ZNF568: variants seen among roughly 807,000 people sequenced by gnomAD.
ZNF568 encodes zinc finger protein 568.
ZNF568 carries 11 observed loss-of-function variants against 18.1 expected under a neutral mutation model. The observed-to-expected ratio is 0.61, with a 90% CI of 0.38 to 1.00. The LOEUF is 1.00. ZNF568 is among the 50% of genes least tolerant of loss of function. The pLI is 0.01. For synonymous variants in ZNF568, 213 were observed against 246.6 expected (o/e 0.86, Z 1.28); for missense variants, 639 against 768.2 (o/e 0.83, Z 1.99).
At position 36,927,899 on chromosome 19, in the gene ZNF568, ATATATTTTTTTTTTTT is replaced by A. The variant is rs1568381592; in HGVS notation, c.135+2643_135+2658del. Among the ~76,000 whole-genome samples, 63 of 24,066 alleles carry A rather than the reference ATATATTTTTTTTTTTT, an allele frequency of 2.6e-3. 2 individuals are homozygous for A. The highest frequency in any genetic ancestry group is 0.016 in the African/African-American group (61 of 3,760). 15.8% of individuals were successfully genotyped at this position (24,066 alleles called of 152,430 possible). On this transcript the variant is annotated intron_variant, in intron 4 of 6. Coordinates refer to ENST00000333987, the MANE Select transcript of ZNF568 (RefSeq NM_198539.4). ...ATATATATATATATTATATATATAT[ATATATTTTTTTTTTTT>A]TTTTTTTTTTTTTTTTGGTGATGAA...
chr19:36,955,075 C>T (rs2074097467), downstream of ZNF568, among the ~76,000 whole-genome samples: 1 of 152,072 alleles, frequency 6.6e-6, no homozygotes, highest in Admixed American at 6.6e-5. Flanking sequence ...GACAGGGTTT[C>T]ACTACGTAGG....
chr19:36,965,513 C>T (rs747152829), intron 6 of ZNF568, among the ~76,000 whole-genome samples: 6 of 151,998 alleles, frequency 3.9e-5, no homozygotes, highest in Non-Finnish European at 5.9e-5. Flanking sequence ...TATAGAAGGC[C>T]GAATACACTG....
At chr19:36,936,644 C>A in intron 4 of ZNF568, 102 bp from the exon 5 acceptor site, 2 of 1,128,278 alleles carry the variant, frequency 1.8e-6, no homozygotes, top group Non-Finnish European at 2.5e-6. Context: ...TCTAGTACTC[C>A]TACCTCTGAC....
At chr19:36,948,658 ATTTTTTTTTTT>A (rs4069585) in intron 6 of ZNF568, among the ~76,000 whole-genome samples, 4 of 83,566 alleles carry the variant, frequency 4.8e-5, no homozygotes, top group African/African-American at 1.9e-4. Flanking sequence ...TTTGTTGTTG[ATTTTTTTTTTT>A]TTTTTTTTTT....
At chr19:36,938,769 TC>T (rs1014708731) in intron 6 of ZNF568, among the ~76,000 whole-genome samples, 7 of 152,184 alleles carry the variant, frequency 4.6e-5, no homozygotes, top group African/African-American at 1.7e-4. Context: ...CCTGATTATT[TC>T]CCCTCATAGG....
intron 6 of ZNF568, among the ~76,000 whole-genome samples, chr19:36,939,864 T>C (rs1568387436): frequency 6.6e-6 from 1 of 152,190 alleles, no homozygotes; most frequent in Non-Finnish European, 1.5e-5. Flanking sequence ...TTTTTCTGTT[T>C]CTTCTTCATG....
chr19:36,922,882 GAA>G, intron 3 of ZNF568, 36 bp downstream of exon 3: 1 of 1,591,712 alleles, frequency 6.3e-7, no homozygotes, highest in Non-Finnish European at 8.6e-7. Context: ...GCTTAGGAGA[GAA>G]AGGCTCTACA....
rs1362484234 is a variant in ZNF568 at position 36,992,451 on chromosome 19, A to G, written c.229+605A>G. The stretch of plus-strand genomic sequence containing the variant: ...CAGGAGGCAGAGGTTGCAGTGAGCC[A>G]AGATCGCGCCACTGCACTTCAGCCT... On this transcript the variant is annotated intron_variant, in intron 4 of 4. Coordinates refer to the ZNF568 transcript ENST00000433993. Among the ~76,000 whole-genome samples, 15 of 152,154 alleles carry G rather than the reference A, an allele frequency of 9.9e-5. No homozygotes were observed. The East Asian group carries it at 2.7e-3, about 28-fold the overall frequency.
chr19:36,936,711 A>G (rs2073795861), intron 4 of ZNF568, 35 bp from the exon 5 acceptor site: 1 of 1,592,464 alleles, frequency 6.3e-7, no homozygotes, highest in African/African-American at 1.3e-5. Flanking sequence ...CCTAATTTTG[A>G]TGACTTCAAA....
chr19:36,922,960 G>T (rs1459574729), intron 3 of ZNF568, 114 bp downstream of exon 3: 3 of 773,468 alleles, frequency 3.9e-6, no homozygotes, highest in South Asian at 4.0e-5. Flanking sequence ...AATTGACTAG[G>T]CAGGGGAGAC....
At chr19:36,925,681 GA>G (rs11300268) in intron 4 of ZNF568, among the ~76,000 whole-genome samples, 31,716 of 150,372 alleles carry the variant, frequency 0.21, 3,545 homozygotes, top group African/African-American at 0.3. Context: ...AAAAATACTT[GA>G]AAAAAAAATG....
At chr19:36,927,916 T>A (rs1163848903) in intron 4 of ZNF568, among the ~76,000 whole-genome samples, 2 of 81,384 alleles carry the variant, frequency 2.5e-5, no homozygotes, top group Admixed American at 1.4e-4. Context: ...TTTTTTTTTT[T>A]TTTTTTTTTT....
At chr19:36,962,187 A>C (rs1238114361) in intron 6 of ZNF568, among the ~76,000 whole-genome samples, 3 of 144,152 alleles carry the variant, frequency 2.1e-5, no homozygotes, top group Non-Finnish European at 4.5e-5. Context: ...TAGTAGTACC[A>C]TGTGAGTCCT....
chr19:36,927,847 TG>T (rs2073583777), intron 4 of ZNF568, among the ~76,000 whole-genome samples: 1 of 21,804 alleles, frequency 4.6e-5, no homozygotes, highest in Admixed American at 5.6e-4. Flanking sequence ...AAGATATATG[TG>T]TGTGTGTGTG....
intron 6 of ZNF568, among the ~76,000 whole-genome samples, chr19:36,963,443 C>T (rs2074170337): frequency 6.6e-6 from 1 of 152,172 alleles, no homozygotes; most frequent in Admixed American, 6.5e-5. Flanking sequence ...TCAACAGCTG[C>T]TCCTGGGGCA....
In ZNF568 at chr19:36,930,228, G is replaced by A. The variant is rs74641151; in HGVS notation, c.135+4970G>A. ...GATGCAATTTCTTTTTTTTTTTTTT[G>A]AGACAGAGTCTCGCTCTGTCGCCCA... On this transcript the variant is annotated intron_variant, in intron 4 of 6. Coordinates refer to ENST00000333987, the MANE Select transcript of ZNF568 (RefSeq NM_198539.4). Among the ~76,000 whole-genome samples the A allele has an allele frequency of 4.6e-5, 3 of 65,912 alleles. No individual in the cohort carries two copies. The South Asian group carries it at 1.3e-3, about 29-fold the overall frequency. The allele number at this position is 65,912 out of a possible 152,430, so 43.2% of individuals were successfully genotyped here. A position where few individuals can be genotyped will look rare whatever the true frequency, so the allele number is the denominator to read the frequency against.
chr19:36,952,855 C>A, downstream of ZNF568: 1 of 184,216 alleles, frequency 5.4e-6, no homozygotes, highest in Non-Finnish European at 1.0e-5. Context: ...AGATGCTCAA[C>A]TATTTTATGA....
chr19:36,950,053 TACTGGGGAGAA>T lies in ZNF568; in HGVS notation c.903_913del (p.Gly302LeufsTer4), dbSNP rs1206899933. The T allele has an allele frequency of 6.2e-7, 1 of 1,613,762 alleles. No homozygotes were observed. The highest frequency in any genetic ancestry group is 1.7e-5 in the Admixed American group (1 of 59,984). On this transcript the variant is annotated frameshift_variant, in exon 7 of 7. Transcript: ENST00000333987. LOFTEE classifies it low-confidence loss of function (END_TRUNC). ...ACCTTATTAGACACCACAGAATTCA[TACTGGGGAGAA>T]ACCTTATGCATGTAAGGATTGTTGG...
chr19:36,942,782 A>G (rs2073905358), intron 6 of ZNF568, among the ~76,000 whole-genome samples: 1 of 152,026 alleles, frequency 6.6e-6, no homozygotes, highest in South Asian at 2.1e-4. Flanking sequence ...AAATACTACC[A>G]TATGTATTGC....
Sources: allele counts gnomAD v4.1 joint callset (sites outside exome capture counted in the v4.1 genomes callset), GRCh38; gene constraint gnomAD v4.1.1; transcripts MANE v1.5; gene names NCBI Gene and HGNC (gene_info 2026-07-23, HGNC 2026-07-21).